Variants in PAX8 observed in about 807,000 individuals in gnomAD.
PAX8 encodes the protein paired box protein Pax-8.
PAX8 carries 15 observed loss-of-function variants against 52.4 expected under a neutral mutation model. That is an observed-to-expected ratio of 0.29 (90% confidence interval 0.19 to 0.44). PAX8 has a LOEUF of 0.44. Ranked by LOEUF, PAX8 falls within the 20% of genes least tolerant of loss-of-function variation. PAX8 has a pLI of 1.00. For missense variants in PAX8, 554 were observed against 602.5 expected, an observed-to-expected ratio of 0.92 and a Z score of 0.84; for synonymous variants, 284 against 249.7, an observed-to-expected ratio of 1.14 and a Z score of -1.29.
chr2:113,252,545 CAT>C (rs1427142147), intron 2 of PAX8, among the ~76,000 whole-genome samples: 3 of 152,138 alleles, frequency 2.0e-5, no homozygotes, highest in African/African-American at 7.2e-5. Context: ...TACCTGGACA[CAT>C]GAGACCCTTG....
chr2:113,234,463 T>C (rs551752561), intron 9 of PAX8, among the ~76,000 whole-genome samples: 1 of 152,374 alleles, frequency 6.6e-6, no homozygotes, highest in Non-Finnish European at 1.5e-5. Flanking sequence ...CTCATCAGCA[T>C]AAGAGGTTTG....
chr2:113,227,727 G>C (rs1256581913), intron 9 of PAX8, among the ~76,000 whole-genome samples: 1 of 152,042 alleles, frequency 6.6e-6, no homozygotes, highest in African/African-American at 2.4e-5. Flanking sequence ...CCCTATGAAG[G>C]GATGGCATGT....
At chr2:113,274,957 C>G (rs907456509) in intron 2 of PAX8, 1 of 152,176 alleles carries the variant, frequency 6.6e-6, no homozygotes, top group African/African-American at 2.4e-5. Flanking sequence ...AACGTTTTGA[C>G]ATATTATATT....
At chr2:113,276,271 A>T (rs1438177055) in intron 2 of PAX8, 4 of 152,248 alleles carry the variant, frequency 2.6e-5, no homozygotes, top group Admixed American at 2.0e-4. Context: ...GGTTCAGAAA[A>T]GAAACAGGGA....
At chr2:113,220,275 C>A in intron 10 of PAX8, 97 bp from the exon 11 acceptor site, 3 of 882,858 alleles carry the variant, frequency 3.4e-6, no homozygotes, top group South Asian at 2.8e-5. Context: ...TGGGCAAGCT[C>A]AGGAATGGTT....
chr2:113,220,996 C>T (rs1267112778), intron 10 of PAX8, among the ~76,000 whole-genome samples: 2 of 152,198 alleles, frequency 1.3e-5, no homozygotes, highest in Non-Finnish European at 2.9e-5. Context: ...TCAAACTGAT[C>T]ACCACAGCTA....
intron 2 of PAX8, among the ~76,000 whole-genome samples, chr2:113,262,441 T>C (rs1298728312): frequency 1.3e-5 from 2 of 152,200 alleles, no homozygotes; most frequent in Non-Finnish European, 2.9e-5. Flanking sequence ...TCCCCTTCTT[T>C]TTCTGTCAGC....
Position 113,242,687 on chromosome 2 carries a change from C to T in PAX8, c.478+3G>A. ...GTGTGTATCCAGGTCTCTCAGCACT[C>T]ACTCAGCGTGTGTCCGGGACTCAGG... On this transcript the variant is annotated splice_donor_region_variant and intron_variant, in intron 5 of 11. Coordinates refer to ENST00000429538, the MANE Select transcript of PAX8 (RefSeq NM_003466.4). 6.2e-7 allele frequency: 1 copy of T among 1,607,360 alleles called. No homozygotes were observed. The highest frequency in any genetic ancestry group is 1.1e-5 in the South Asian group (1 of 90,928).
intron 2 of PAX8, among the ~76,000 whole-genome samples, chr2:113,247,727 A>AT (rs1691446856): frequency 6.6e-6 from 1 of 152,212 alleles, no homozygotes; most frequent in African/African-American, 2.4e-5. Context: ...GAGCCCATCT[A>AT]TCCAGTCAAA....
rs1689089701 is a variant in PAX8 at position 113,218,159 on chromosome 2, G to A, written c.*374C>T. On this transcript the variant is annotated 3_prime_UTR_variant, in exon 12 of 12. Coordinates refer to ENST00000429538, the MANE Select transcript of PAX8 (RefSeq NM_003466.4). ...AATAATGGAGCCATGGAGGTGCCCT[G>A]TGCACCCCTTGGGCCCGGGCAGGAA... The A allele has an allele frequency of 3.8e-6, 1 of 261,532 alleles. No individual in the cohort carries two copies. The highest frequency in any genetic ancestry group is 7.3e-6 in the Non-Finnish European group (1 of 137,872). 16.2% of individuals were successfully genotyped at this position (261,532 alleles called of 1,614,324 possible).
rs1573437709 is a variant in PAX8 at position 113,235,823 on chromosome 2, C to T, written c.899-241G>A. 4 of 517,102 alleles carry T rather than the reference C, an allele frequency of 7.7e-6. 1 individual carries two copies. Among genetic ancestry groups the T allele is most frequent in the South Asian group, 5.3e-5 (2 of 37,910 alleles). 32.0% of individuals were successfully genotyped at this position (517,102 alleles called of 1,614,324 possible). On this transcript the variant is annotated intron_variant, in intron 8 of 11. Coordinates refer to ENST00000429538, the MANE Select transcript of PAX8 (RefSeq NM_003466.4). Reference sequence around the variant, plus strand: ...TGGAGAGACCCGGAAGGCGTGTGTGCGCCCGCCTCTCCCACAGGAGGGAGC... The same window carrying T: ...TGGAGAGACCCGGAAGGCGTGTGTGTGCCCGCCTCTCCCACAGGAGGGAGC...
intron 1 of PAX8, 93 bp from the exon 2 acceptor site, chr2:113,278,562 A>G: frequency 1.1e-5 from 12 of 1,116,566 alleles, no homozygotes. Context: ...TTACACCTGC[A>G]TCGTCTGCCA....
At chr2:113,243,611 C>T (rs1691062824) in intron 4 of PAX8, among the ~76,000 whole-genome samples, 2 of 152,128 alleles carry the variant, frequency 1.3e-5, no homozygotes, top group South Asian at 2.1e-4. Flanking sequence ...AGGTTGGTCT[C>T]GAACGCCTGA....
At position 113,241,680 on chromosome 2, in the gene PAX8, G is replaced by T. The variant is rs779948386; in HGVS notation, c.648C>A (p.Ser216Arg). 1 of 1,614,182 alleles carries T rather than the reference G, an allele frequency of 6.2e-7. No homozygotes were observed. Among genetic ancestry groups the T allele is most frequent in the Non-Finnish European group, 8.5e-7 (1 of 1,180,026 alleles). ...CRLSIDSQSS[S>R]SGPRKHLRTD... ...TGCGAAGGTGCTTTCGGGGTCCGCTGCTGCTGCTCTGTGAGTCAATGCTTA... is the reference window on the plus strand; with the variant it reads ...TGCGAAGGTGCTTTCGGGGTCCGCTTCTGCTGCTCTGTGAGTCAATGCTTA... The change falls in exon 7 of 12, where the codon AGC becomes AGA. Residue 216 changes from serine to arginine, a missense_variant. Coordinates refer to ENST00000429538, the MANE Select transcript of PAX8 (RefSeq NM_003466.4).
At chr2:113,242,194 TC>T (rs1690910737) in intron 5 of PAX8, 64 bp from the exon 6 acceptor site, 13 of 1,477,260 alleles carry the variant, frequency 8.8e-6, no homozygotes, top group Non-Finnish European at 1.0e-5. Flanking sequence ...CCTGGGTGAC[TC>T]TGGGGTAGTT....
chr2:113,273,614 A>G (rs901842863), intron 2 of PAX8: 14 of 152,222 alleles, frequency 9.2e-5, no homozygotes, highest in African/African-American at 3.4e-4. Context: ...TCTGGACAAT[A>G]TATACTTTAA....
At chr2:113,247,403 C>T (rs1293165520) in intron 2 of PAX8, among the ~76,000 whole-genome samples, 1 of 152,236 alleles carries the variant, frequency 6.6e-6, no homozygotes, top group Non-Finnish European at 1.5e-5. Context: ...AAAACACTAC[C>T]TCATTGAGAA....
At chr2:113,236,398 C>G (rs1362347297) in intron 8 of PAX8, 4 of 516,898 alleles carry the variant, frequency 7.7e-6, no homozygotes, top group African/African-American at 2.1e-5. Context: ...TGAGGCCCGG[C>G]CTAGGACTGG....
intron 9 of PAX8, among the ~76,000 whole-genome samples, chr2:113,234,608 C>T (rs1230583716): frequency 2.0e-5 from 3 of 152,206 alleles, no homozygotes; most frequent in Non-Finnish European, 4.4e-5. Flanking sequence ...GCAACCTATG[C>T]CTCCTGGGTT....
Sources: allele counts gnomAD v4.1 joint callset (sites outside exome capture counted in the v4.1 genomes callset), GRCh38; gene constraint gnomAD v4.1.1; transcripts MANE v1.5; gene names NCBI Gene and HGNC (gene_info 2026-07-23, HGNC 2026-07-21).